The following SCEL variants were observed in gnomAD, a reference collection of about 807,000 sequenced individuals.
The protein encoded by SCEL is sciellin.
Under a neutral mutation model 117.6 loss-of-function variants are expected in SCEL, and 113 were observed. That is an observed-to-expected ratio of 0.96 (90% CI 0.83 to 1.12). The LOEUF (loss-of-function observed/expected upper bound fraction) is 1.12, where lower values mean the gene tolerates loss of function less well. Ranked by LOEUF, SCEL falls within the 50% of genes most tolerant of loss-of-function variation. SCEL has a pLI of 0.00. For synonymous variants in SCEL, 270 were observed against 256.2 expected, an observed-to-expected ratio of 1.05 and a Z score of -0.51; for missense variants, 785 against 810.8, an observed-to-expected ratio of 0.97 and a Z score of 0.39.
intron 20 of SCEL, 73 bp from the exon 21 acceptor site, chr13:77,608,985 T>A: frequency 8.4e-7 from 1 of 1,187,824 alleles, no homozygotes; most frequent in Non-Finnish European, 1.2e-6. Flanking sequence ...AGTACATGTA[T>A]CCTTTAAATC....
intron 9 of SCEL, among the ~76,000 whole-genome samples, chr13:77,578,958 G>A (rs2086112988): frequency 6.6e-6 from 1 of 152,148 alleles, no homozygotes; most frequent in South Asian, 2.1e-4. Flanking sequence ...GATACCTGTT[G>A]AGAAAAGATT....
At chr13:77,603,467 G>A (rs7331503) in intron 18 of SCEL, among the ~76,000 whole-genome samples, 31,709 of 152,054 alleles carry the variant, frequency 0.21, 4,117 homozygotes, top group African/African-American at 0.36. Context: ...AGGTGGCCAA[G>A]AGTGAGCCAT....
At chr13:77,563,260 AT>A (rs999877273) in intron 4 of SCEL, among the ~76,000 whole-genome samples, 3 of 145,204 alleles carry the variant, frequency 2.1e-5, no homozygotes, top group African/African-American at 7.7e-5. Flanking sequence ...TCTCCTTTTC[AT>A]TTTCCCCAGC....
chr13:77,559,050 A>G (rs1302026686), intron 3 of SCEL, among the ~76,000 whole-genome samples: 3 of 152,276 alleles, frequency 2.0e-5, no homozygotes, highest in East Asian at 3.9e-4. Context: ...GAGATTTTAC[A>G]TATGAAGGTC....
intron 28 of SCEL, among the ~76,000 whole-genome samples, chr13:77,631,773 G>T (rs1240057626): frequency 6.6e-6 from 1 of 152,188 alleles, no homozygotes; most frequent in African/African-American, 2.4e-5. Context: ...TTCCATGAAG[G>T]CATTGTCATT....
chr13:77,568,813 C>T (rs2085432012), intron 7 of SCEL, among the ~76,000 whole-genome samples: 1 of 152,122 alleles, frequency 6.6e-6, no homozygotes, highest in Non-Finnish European at 1.5e-5. Flanking sequence ...TTATAAGCAG[C>T]CCAAATCAGA....
chr13:77,583,440 T>A (rs1296951295), intron 9 of SCEL, among the ~76,000 whole-genome samples: 1 of 152,198 alleles, frequency 6.6e-6, no homozygotes, highest in Non-Finnish European at 1.5e-5. Context: ...CCTTGCATTC[T>A]CCAAGCTCTT....
chr13:77,615,064 G>A (rs2088924006), intron 24 of SCEL, among the ~76,000 whole-genome samples: 1 of 152,100 alleles, frequency 6.6e-6, no homozygotes, highest in Admixed American at 6.6e-5. Context: ...GAGCACTCAT[G>A]TACTGCTTGC....
At chr13:77,590,028 G>A (rs1463066163) in intron 10 of SCEL, among the ~76,000 whole-genome samples, 2 of 152,084 alleles carry the variant, frequency 1.3e-5, no homozygotes, top group Non-Finnish European at 2.9e-5. Flanking sequence ...CTCCTTGATT[G>A]CCTACTGTTG....
intron 27 of SCEL, among the ~76,000 whole-genome samples, chr13:77,622,210 G>A (rs925111904): frequency 6.6e-6 from 1 of 152,152 alleles, no homozygotes; most frequent in African/African-American, 2.4e-5. Flanking sequence ...TTTTGTAAAT[G>A]TGTTTGATAC....
Position 77,602,679 on chromosome 13 carries a change from A to G in SCEL, c.1003A>G (p.Lys335Glu), listed in dbSNP as rs1445000059. ...AAGACAAAATCTCGAATCTGTTGCT[A>G]AAGTGAATGCCAGGATGAATAAAAC... The part of the protein sequence containing the change: ...KGRQNLESVA[K>E]VNARMNKTSR... The change falls in exon 17 of 33, where the codon AAA becomes GAA. Residue 335 changes from lysine to glutamate, a missense_variant. Coordinates refer to ENST00000349847, the MANE Select transcript of SCEL (RefSeq NM_144777.3). The G allele has an allele frequency of 1.2e-6, 2 of 1,613,812 alleles. No individual in the cohort carries two copies. Among genetic ancestry groups the G allele is most frequent in the Non-Finnish European group, 1.7e-6 (2 of 1,179,802 alleles).
chr13:77,625,969 A>G (rs868433213), intron 27 of SCEL, among the ~76,000 whole-genome samples: 71 of 152,324 alleles, frequency 4.7e-4, no homozygotes, highest in African/African-American at 1.7e-3. Flanking sequence ...TCACAGCACT[A>G]CTATTTTTTT....
intron 1 of SCEL, among the ~76,000 whole-genome samples, chr13:77,551,349 G>A (rs1002255950): frequency 7.2e-5 from 11 of 152,362 alleles, no homozygotes; most frequent in Admixed American, 7.2e-4. Flanking sequence ...ATCAAGGGCA[G>A]TGTAGACCAA....
intron 9 of SCEL, among the ~76,000 whole-genome samples, chr13:77,577,835 G>A (rs1263772670): frequency 6.6e-6 from 1 of 152,080 alleles, no homozygotes; most frequent in African/African-American, 2.4e-5. Flanking sequence ...ATGTTTCTCT[G>A]CAGGCCTTAA....
intron 3 of SCEL, 21 bp downstream of exon 3, chr13:77,556,734 G>T (rs777736876): frequency 6.5e-7 from 1 of 1,531,062 alleles, no homozygotes; most frequent in Non-Finnish European, 9.1e-7. Context: ...GTGGAGCGTG[G>T]TGGGTGGACA....
intron 19 of SCEL, among the ~76,000 whole-genome samples, 181 bp from the exon 20 acceptor site, chr13:77,607,875 A>G (rs1183656944): frequency 6.6e-6 from 1 of 152,238 alleles, no homozygotes; most frequent in Non-Finnish European, 1.5e-5. Context: ...TCAGAGATGT[A>G]CAAATCCCTA....
chr13:77,559,604 T>G (rs768390533), intron 3 of SCEL, among the ~76,000 whole-genome samples, 200 bp from the exon 4 acceptor site: 1 of 152,252 alleles, frequency 6.6e-6, no homozygotes, highest in Non-Finnish European at 1.5e-5. Context: ...TCATTTGTAC[T>G]GACAAACTTG....
intron 27 of SCEL, among the ~76,000 whole-genome samples, chr13:77,625,407 C>T (rs1303401760): frequency 6.6e-6 from 1 of 152,078 alleles, no homozygotes; most frequent in East Asian, 1.9e-4. Flanking sequence ...AGGATTTATG[C>T]TGGGAGATTA....
In SCEL at chr13:77,642,821, C is replaced by G. The variant is rs1455469668; in HGVS notation, c.2050+13C>G. 7.0e-6 allele frequency: 10 copies of G among 1,422,382 alleles called. No individual in the cohort carries two copies. Among genetic ancestry groups the G allele is most frequent in the Non-Finnish European group, 8.7e-6 (9 of 1,030,066 alleles). 88.1% of individuals were successfully genotyped at this position (1,422,382 alleles called of 1,614,324 possible). On this transcript the variant is annotated intron_variant, in intron 32 of 32. Transcript: ENST00000349847. ...TCTAAAATTATGGGTAAGTGTTACA[C>G]TCTAAGCATTTAACACTTTGGTTAA...
Sources: allele counts gnomAD v4.1 joint callset (sites outside exome capture counted in the v4.1 genomes callset), GRCh38; gene constraint gnomAD v4.1.1; transcripts MANE v1.5; gene names NCBI Gene and HGNC (gene_info 2026-07-23, HGNC 2026-07-21).